Variants in CCDC171 observed in about 807,000 individuals in gnomAD.
CCDC171 encodes coiled-coil domain-containing protein 171.
Under a neutral mutation model 168.2 loss-of-function variants are expected in CCDC171, and 177 were observed. The observed-to-expected ratio is 1.05, with a 90% CI of 0.93 to 1.19. The LOEUF (loss-of-function observed/expected upper bound fraction) is 1.19. CCDC171 is among the 50% of genes most tolerant of loss of function. CCDC171 has a pLI of 0.00. For synonymous variants in CCDC171, 687 were observed against 540.8 expected (o/e 1.27, Z -3.75); for missense variants, 1,991 against 1,539.0 (o/e 1.29, Z -4.91).
chr9:15,868,506 A>G (rs904105257), intron 23 of CCDC171, among the ~76,000 whole-genome samples: 6 of 151,332 alleles, frequency 4.0e-5, no homozygotes, highest in Non-Finnish European at 7.4e-5. Context: ...TGTGAGAGAG[A>G]GAGAGAGAGA....
In CCDC171 at chr9:15,817,616, T is replaced by A. The variant is rs1319231340; in HGVS notation, c.3268-29086T>A. ...TCATTGCTAGCACAGCAGTCTGAGA[T>A]CAAACTGCGAGGTGGCAGGGAGGCT... is the stretch of plus-strand genomic sequence containing the variant. On this transcript the variant is annotated intron_variant, in intron 21 of 25. Transcript: ENST00000380701. Among the ~76,000 whole-genome samples the A allele has an allele frequency of 1.7e-5, 2 of 117,736 alleles. 1 individual carries two copies. Among genetic ancestry groups the A allele is most frequent in the Non-Finnish European group, 3.8e-5 (2 of 52,338 alleles). The allele number at this position is 117,736 out of a possible 152,430, so 77.2% of individuals were successfully genotyped here. A position where few individuals can be genotyped will look rare whatever the true frequency, so the allele number is the denominator to read the frequency against.
At chr9:15,975,371 A>T (rs541801050), downstream of CCDC171, among the ~76,000 whole-genome samples, 2 of 152,282 alleles carry the variant, frequency 1.3e-5, no homozygotes, top group South Asian at 2.1e-4. Flanking sequence ...CTTTTTAAAG[A>T]GAAAAAAAAA....
chr9:15,674,272 AGCAGTC>A (rs1488665294), intron 9 of CCDC171, among the ~76,000 whole-genome samples: 2 of 152,020 alleles, frequency 1.3e-5, no homozygotes, highest in Non-Finnish European at 2.9e-5. Flanking sequence ...TAATATTGCT[AGCAGTC>A]TTATCTATTT....
intron 11 of CCDC171, among the ~76,000 whole-genome samples, chr9:15,715,824 T>C (rs1564272657): frequency 6.6e-6 from 1 of 152,200 alleles, no homozygotes; most frequent in Non-Finnish European, 1.5e-5. Flanking sequence ...TGAAAAACAA[T>C]GATTTATATG....
intron 18 of CCDC171, among the ~76,000 whole-genome samples, chr9:15,764,866 G>A (rs1044217919): frequency 6.6e-6 from 1 of 152,158 alleles, no homozygotes; most frequent in African/African-American, 2.4e-5. Context: ...GATTTTGGCT[G>A]GGGTGGGACA....
At chr9:15,853,951 A>C (rs2061241841) in intron 23 of CCDC171, among the ~76,000 whole-genome samples, 1 of 149,264 alleles carries the variant, frequency 6.7e-6, no homozygotes, top group Non-Finnish European at 1.5e-5. Context: ...GATAAATCTC[A>C]CTTGGTTATG....
chr9:15,594,222 A>G, intron 6 of CCDC171, 50 bp downstream of exon 6: 1 of 1,019,544 alleles, frequency 9.8e-7, no homozygotes, highest in East Asian at 2.8e-5. Flanking sequence ...AATGCTTATG[A>G]TATTCAAAAT....
chr9:15,829,107 A>T (rs1446421814), intron 21 of CCDC171, among the ~76,000 whole-genome samples: 1 of 152,332 alleles, frequency 6.6e-6, no homozygotes, highest in Non-Finnish European at 1.5e-5. Flanking sequence ...CCTCACAGCA[A>T]CCTATAGTAT....
At chr9:15,948,746 C>T (rs1037220473) in intron 25 of CCDC171, among the ~76,000 whole-genome samples, 104 of 151,100 alleles carry the variant, frequency 6.9e-4, no homozygotes, top group African/African-American at 2.3e-3. Flanking sequence ...GAGTAGGTTG[C>T]GAAGATTTTC....
At chr9:16,067,358 A>G in the CCDC171 span, among the ~76,000 whole-genome samples, 1 of 152,036 alleles carries the variant, frequency 6.6e-6, no homozygotes, top group South Asian at 2.1e-4. Context: ...GATTCTGGAT[A>G]TTAGCCCTTT....
intron 18 of CCDC171, among the ~76,000 whole-genome samples, chr9:15,747,501 C>T (rs943851422): frequency 2.6e-5 from 4 of 152,286 alleles, no homozygotes; most frequent in East Asian, 3.9e-4. Flanking sequence ...TACAGGAGAG[C>T]TCTGGCTGGC....
chr9:15,686,063 A>G (rs1434426215), intron 10 of CCDC171, among the ~76,000 whole-genome samples: 1 of 152,134 alleles, frequency 6.6e-6, no homozygotes, highest in Non-Finnish European at 1.5e-5. Flanking sequence ...ATATTAGCTC[A>G]TATTTTAGTT....
intron 6 of CCDC171, among the ~76,000 whole-genome samples, chr9:15,600,809 G>T (rs971692761): frequency 6.6e-6 from 1 of 152,180 alleles, no homozygotes; most frequent in South Asian, 2.1e-4. Flanking sequence ...CGGCCACTTT[G>T]TTTACCTACT....
chr9:15,613,527 CTT>C (rs749825977), intron 6 of CCDC171, among the ~76,000 whole-genome samples: 3 of 139,124 alleles, frequency 2.2e-5, no homozygotes, highest in Non-Finnish European at 1.6e-5. Context: ...TTTTTCTTTT[CTT>C]TTTTTTTTTT....
chr9:15,696,304 C>T (rs565137864), intron 11 of CCDC171, among the ~76,000 whole-genome samples: 2 of 152,288 alleles, frequency 1.3e-5, no homozygotes, highest in South Asian at 2.1e-4. Flanking sequence ...CTGTAGATTT[C>T]TCAGTTGGTA....
intron 25 of CCDC171, among the ~76,000 whole-genome samples, chr9:15,923,805 T>C (rs972200105): frequency 6.6e-6 from 1 of 151,450 alleles, no homozygotes; most frequent in Non-Finnish European, 1.5e-5. Context: ...TTTTCTCGCA[T>C]TACAGGAAGT....
intron 6 of CCDC171, among the ~76,000 whole-genome samples, chr9:15,619,117 C>T (rs931484586): frequency 6.6e-6 from 1 of 152,084 alleles, no homozygotes; most frequent in South Asian, 2.1e-4. Flanking sequence ...CTCTCCCTCT[C>T]GTCTGGCCTT....
chr9:15,569,846 C>CAAAACCAAA (rs1563957637), intron 2 of CCDC171, among the ~76,000 whole-genome samples: 1 of 139,726 alleles, frequency 7.2e-6, no homozygotes, highest in Non-Finnish European at 1.6e-5. Flanking sequence ...AACAAACAAA[C>CAAAACCAAA]AAAAAAAAAA....
intron 8 of CCDC171, among the ~76,000 whole-genome samples, chr9:16,036,666 A>G (rs1216881417): frequency 6.6e-6 from 1 of 152,180 alleles, no homozygotes; most frequent in Admixed American, 6.5e-5. Flanking sequence ...CAAGCAAAAA[A>G]CAAATTTACC....
Sources: gnomAD v4.1 joint callset for allele counts (sites outside exome capture counted in the v4.1 genomes callset) on GRCh38, gnomAD v4.1.1 for gene constraint, MANE v1.5 for transcripts, NCBI Gene and HGNC (gene_info 2026-07-23, HGNC 2026-07-21) for gene names.